The following KCNT2 variants were observed in gnomAD, a reference collection of about 807,000 sequenced individuals.
KCNT2 encodes potassium sodium-activated channel subfamily T member 2.
Under a neutral mutation model 153.8 loss-of-function variants are expected in KCNT2, and 67 were observed. The observed-to-expected ratio is 0.44, with a 90% confidence interval of 0.36 to 0.53. The LOEUF (loss-of-function observed/expected upper bound fraction) is 0.53, where lower values mean the gene tolerates loss of function less well. Among genes scored for constraint, KCNT2 ranks in the 20% least tolerant of loss-of-function variants. The pLI is 0.00. For synonymous variants in KCNT2, 500 were observed against 458.8 expected, an observed-to-expected ratio of 1.09 and a Z score of -1.15; for missense variants, 975 against 1,354.8, an observed-to-expected ratio of 0.72 and a Z score of 4.40.
chr1:196,241,803 ATAGAG>A (rs1654984525), intron 26 of KCNT2, among the ~76,000 whole-genome samples: 1 of 152,086 alleles, frequency 6.6e-6, no homozygotes, highest in Non-Finnish European at 1.5e-5. Flanking sequence ...TCCTTTCAAA[ATAGAG>A]TATTCAATAT....
rs137897397 is a variant in KCNT2 at position 196,550,061 on chromosome 1, C to T, written c.96-57720G>A. ...ATATCAGAATGATATACCAGTTTAC[C>T]AAACTTCTGATACACTTTAGCCCAT... is the stretch of plus-strand genomic sequence containing the variant. On this transcript the variant is annotated intron_variant, in intron 1 of 27. Transcript: ENST00000294725. Among the ~76,000 whole-genome samples, 704 of 151,916 alleles carry T rather than the reference C, an allele frequency of 4.6e-3. 4 individuals carry two copies. Among genetic ancestry groups the T allele is most frequent in the African/African-American group, 0.016 (677 of 41,482 alleles).
At chr1:196,339,516 C>T (rs1339083599) in intron 16 of KCNT2, among the ~76,000 whole-genome samples, 2 of 101,362 alleles carry the variant, frequency 2.0e-5, no homozygotes, top group African/African-American at 3.2e-5. Flanking sequence ...GACACACACA[C>T]ACACAGAGAG....
Position 196,340,575 on chromosome 1 carries a change from AT to A in KCNT2, c.1554-6del. On this transcript the variant is annotated splice_region_variant and splice_polypyrimidine_tract_variant and intron_variant, in intron 15 of 27. Coordinates refer to ENST00000294725, the MANE Select transcript of KCNT2 (RefSeq NM_198503.5). ...CCAATCAAGCAGACGCCAAACCTTA[AT>A]TTAAAAAAAAAGAGAGTTTGTAAGA... 1 of 1,497,956 alleles carries A rather than the reference AT, an allele frequency of 6.7e-7. No individual in the cohort carries two copies. The allele number at this position is 1,497,956 out of a possible 1,614,324, so 92.8% of individuals were successfully genotyped here.
chr1:196,536,688 G>A (rs1409879317), intron 1 of KCNT2, among the ~76,000 whole-genome samples: 3 of 152,088 alleles, frequency 2.0e-5, no homozygotes, highest in Non-Finnish European at 4.4e-5. Context: ...CCAGTCTGGG[G>A]GGTTGTTACC....
chr1:196,229,590 T>C (rs1653772972), intron 27 of KCNT2, among the ~76,000 whole-genome samples: 1 of 152,098 alleles, frequency 6.6e-6, no homozygotes, highest in Admixed American at 6.6e-5. Flanking sequence ...TGATTATGCT[T>C]AGTGAGGAAG....
intron 1 of KCNT2, among the ~76,000 whole-genome samples, chr1:196,596,051 G>GATATAT (rs1664022466): frequency 2.3e-5 from 2 of 87,188 alleles, no homozygotes; most frequent in African/African-American, 1.3e-4. Flanking sequence ...TGTATTCCAT[G>GATATAT]ATGTGTATAT....
At chr1:196,511,991 A>G (rs1681673193) in intron 1 of KCNT2, among the ~76,000 whole-genome samples, 1 of 152,138 alleles carries the variant, frequency 6.6e-6, no homozygotes, top group South Asian at 2.1e-4. Context: ...CTCATCTCTT[A>G]TACTTTCTTT....
chr1:196,280,102 T>C (rs538058428), intron 25 of KCNT2, among the ~76,000 whole-genome samples: 29 of 152,286 alleles, frequency 1.9e-4, no homozygotes, highest in African/African-American at 6.7e-4. Flanking sequence ...TAATTTACAT[T>C]AAATAATTTT....
chr1:196,537,048 C>A (rs1056811794), intron 1 of KCNT2, among the ~76,000 whole-genome samples: 1 of 152,214 alleles, frequency 6.6e-6, no homozygotes, highest in Non-Finnish European at 1.5e-5. Flanking sequence ...CCAAAACTAC[C>A]TGTGGATACA....
chr1:196,519,658 C>T (rs763214199), intron 1 of KCNT2, among the ~76,000 whole-genome samples: 3 of 151,968 alleles, frequency 2.0e-5, no homozygotes, highest in East Asian at 1.9e-4. Flanking sequence ...GAGACTACTA[C>T]GAACACCTCT....
intron 1 of KCNT2, among the ~76,000 whole-genome samples, chr1:196,536,913 G>T (rs957266329): frequency 4.6e-5 from 7 of 152,168 alleles, no homozygotes; most frequent in African/African-American, 7.2e-5. Flanking sequence ...TGAGCCTGAA[G>T]GGCAGCATAT....
intron 8 of KCNT2, among the ~76,000 whole-genome samples, chr1:196,450,121 C>T (rs1206617424): frequency 6.6e-6 from 1 of 151,708 alleles, no homozygotes; most frequent in Admixed American, 6.6e-5. Flanking sequence ...ATTCTCATTG[C>T]ATTTTCACTC....
intron 5 of KCNT2, among the ~76,000 whole-genome samples, chr1:196,478,694 T>C (rs1007036481): frequency 8.5e-5 from 13 of 152,074 alleles, no homozygotes; most frequent in Non-Finnish European, 1.5e-4. Flanking sequence ...TGCTGTAACC[T>C]CCCCTTTCTT....
At chr1:196,429,381 A>C (rs568982207) in intron 9 of KCNT2, among the ~76,000 whole-genome samples, 196 bp downstream of exon 9, 2 of 152,234 alleles carry the variant, frequency 1.3e-5, no homozygotes, top group Non-Finnish European at 2.9e-5. Flanking sequence ...GAAGGAAAAA[A>C]AAGCAACTCG....
intron 8 of KCNT2, among the ~76,000 whole-genome samples, chr1:196,457,124 T>C (rs1332957923): frequency 6.6e-6 from 1 of 151,882 alleles, no homozygotes; most frequent in Non-Finnish European, 1.5e-5. Flanking sequence ...TTCTCAAGGC[T>C]GTCTGAAGAT....
chr1:196,365,258 T>C (rs1406573104), intron 14 of KCNT2, among the ~76,000 whole-genome samples: 1 of 152,146 alleles, frequency 6.6e-6, no homozygotes. Context: ...AATTTTCAAA[T>C]AAATTTGTCT....
chr1:196,283,720 G>GT (rs1248506148), intron 23 of KCNT2, among the ~76,000 whole-genome samples: 2 of 151,966 alleles, frequency 1.3e-5, no homozygotes, highest in Admixed American at 6.6e-5. Flanking sequence ...CTACTTAAGT[G>GT]TTTTTTAAAA....
intron 22 of KCNT2, among the ~76,000 whole-genome samples, chr1:196,297,794 T>C (rs2147946781): frequency 6.6e-6 from 1 of 152,306 alleles, no homozygotes. Context: ...GAATAAAATG[T>C]AGCTTAAGTT....
intron 12 of KCNT2, among the ~76,000 whole-genome samples, chr1:196,409,360 A>G (rs1331786599): frequency 6.6e-6 from 1 of 151,460 alleles, no homozygotes; most frequent in African/African-American, 2.4e-5. Flanking sequence ...TACAACATAC[A>G]CCAGCATTTA....
Sources: allele counts gnomAD v4.1 joint callset (sites outside exome capture counted in the v4.1 genomes callset), GRCh38; gene constraint gnomAD v4.1.1; transcripts MANE v1.5; gene names NCBI Gene and HGNC (gene_info 2026-07-23, HGNC 2026-07-21).